PLCB4: variants seen among roughly 807,000 people sequenced by gnomAD.
The protein encoded by PLCB4 is phospholipase C beta 4.
PLCB4 carries 77 observed loss-of-function variants against 178.8 expected under a neutral mutation model. That is an observed-to-expected ratio of 0.43 (90% CI 0.36 to 0.52). The LOEUF (loss-of-function observed/expected upper bound fraction) is 0.52. Ranked by LOEUF, PLCB4 falls within the 20% of genes least tolerant of loss-of-function variation. The pLI is 0.00. For synonymous variants in PLCB4, 496 were observed against 490.8 expected (o/e 1.01, Z -0.14); for missense variants, 1,024 against 1,453.4 (o/e 0.70, Z 4.80).
At chr20:9,313,588 G>A (rs552285135) in intron 4 of PLCB4, among the ~76,000 whole-genome samples, 7 of 152,294 alleles carry the variant, frequency 4.6e-5, no homozygotes, top group East Asian at 1.9e-4. Flanking sequence ...CCAAGAAACC[G>A]ATTTCTGCAT....
intron 3 of PLCB4, among the ~76,000 whole-genome samples, chr20:9,229,576 T>C (rs2093909256): frequency 6.6e-6 from 1 of 152,094 alleles, no homozygotes; most frequent in Non-Finnish European, 1.5e-5. Context: ...TTGGAAGTTT[T>C]ACCTCTTTAT....
At chr20:9,239,179 T>C (rs2094027968) in intron 3 of PLCB4, among the ~76,000 whole-genome samples, 3 of 152,226 alleles carry the variant, frequency 2.0e-5, no homozygotes, top group Non-Finnish European at 4.4e-5. Flanking sequence ...CTTGACTCCT[T>C]ACCCTGTAAG....
chr20:9,453,497 T>C, intron 33 of PLCB4, 35 bp downstream of exon 33: 1 of 1,254,566 alleles, frequency 8.0e-7, no homozygotes, highest in Non-Finnish European at 1.2e-6. Flanking sequence ...AGACTTTCTC[T>C]ATGTTTATAT....
chr20:9,455,662 T>C (rs2043012270), intron 33 of PLCB4, among the ~76,000 whole-genome samples: 1 of 152,210 alleles, frequency 6.6e-6, no homozygotes, highest in African/African-American at 2.4e-5. Flanking sequence ...GATTTCTTCC[T>C]GAGCCTCTGC....
intron 32 of PLCB4, among the ~76,000 whole-genome samples, chr20:9,451,103 T>C (rs1034697802): frequency 6.6e-6 from 1 of 152,212 alleles, no homozygotes; most frequent in Non-Finnish European, 1.5e-5. Flanking sequence ...TAAATACTTA[T>C]TGAGCATATA....
intron 2 of PLCB4, among the ~76,000 whole-genome samples, chr20:9,147,130 G>T (rs181286542): frequency 6.6e-6 from 1 of 152,084 alleles, no homozygotes; most frequent in East Asian, 1.9e-4. Context: ...TAAGGCTAGG[G>T]GAGAATCCGA....
intron 32 of PLCB4, 62 bp from the exon 33 acceptor site, chr20:9,453,285 G>T (rs2042876930): frequency 2.1e-6 from 2 of 933,634 alleles, no homozygotes; most frequent in African/African-American, 1.6e-5. Flanking sequence ...AGTTATGCCA[G>T]CCCTATATGG....
intron 3 of PLCB4, among the ~76,000 whole-genome samples, chr20:9,219,060 T>C (rs2093766608): frequency 6.6e-6 from 1 of 152,206 alleles, no homozygotes; most frequent in Admixed American, 6.5e-5. Context: ...ATATAAACAC[T>C]TGATTCAAGA....
intron 32 of PLCB4, among the ~76,000 whole-genome samples, chr20:9,449,117 A>G (rs981362621): frequency 5.9e-5 from 9 of 152,192 alleles, no homozygotes; most frequent in Admixed American, 6.5e-5. Context: ...CGAAATGGAA[A>G]CTAGGGTAAT....
chr20:9,110,534 T>C (rs916072062), intron 2 of PLCB4, among the ~76,000 whole-genome samples: 1 of 152,172 alleles, frequency 6.6e-6, no homozygotes, highest in Non-Finnish European at 1.5e-5. Context: ...AACAGGAAAT[T>C]AGTGAGGCTG....
At chr20:9,220,962 A>G (rs1273979872) in intron 3 of PLCB4, among the ~76,000 whole-genome samples, 4 of 152,194 alleles carry the variant, frequency 2.6e-5, no homozygotes, top group African/African-American at 4.8e-5. Context: ...AGCAAGCACA[A>G]AAACCTGTGG....
At chr20:9,166,866 A>G (rs550247718) in intron 2 of PLCB4, among the ~76,000 whole-genome samples, 4 of 152,154 alleles carry the variant, frequency 2.6e-5, no homozygotes, top group African/African-American at 4.8e-5. Context: ...AGAAAATACT[A>G]TATTGCTTAG....
At chr20:9,167,132 T>A (rs1333137379) in intron 2 of PLCB4, among the ~76,000 whole-genome samples, 1 of 152,202 alleles carries the variant, frequency 6.6e-6, no homozygotes, top group Non-Finnish European at 1.5e-5. Flanking sequence ...GTAGGATTTC[T>A]TGGTGTGTTT....
chr20:9,197,187 T>C (rs2093482588), intron 2 of PLCB4, among the ~76,000 whole-genome samples: 1 of 152,216 alleles, frequency 6.6e-6, no homozygotes, highest in Non-Finnish European at 1.5e-5. Flanking sequence ...GCCTCTCCAG[T>C]TGTCTTTCTT....
intron 33 of PLCB4, among the ~76,000 whole-genome samples, 191 bp from the exon 34 acceptor site, chr20:9,457,223 G>A (rs910066117): frequency 6.6e-6 from 1 of 152,212 alleles, no homozygotes; most frequent in African/African-American, 2.4e-5. Flanking sequence ...TGGTTGAATT[G>A]AGTAATCATG....
chr20:9,183,313 C>T (rs2093277539), intron 2 of PLCB4, among the ~76,000 whole-genome samples: 1 of 152,090 alleles, frequency 6.6e-6, no homozygotes, highest in Non-Finnish European at 1.5e-5. Context: ...CCACATTTCC[C>T]TCCCTCCCTC....
At chr20:9,223,012 A>G (rs554848011) in intron 3 of PLCB4, among the ~76,000 whole-genome samples, 2 of 152,310 alleles carry the variant, frequency 1.3e-5, no homozygotes, top group East Asian at 3.9e-4. Context: ...TAAAACATTT[A>G]GGTTTGGCAG....
chr20:9,475,875 C>A (rs2044507370), intron 38 of PLCB4, among the ~76,000 whole-genome samples: 1 of 152,196 alleles, frequency 6.6e-6, no homozygotes, highest in African/African-American at 2.4e-5. Context: ...CCTTCATAAC[C>A]AGGTAAACAT....
At chr20:9,394,106 G>T (rs1316107075) in intron 18 of PLCB4, among the ~76,000 whole-genome samples, 29 of 152,126 alleles carry the variant, frequency 1.9e-4, no homozygotes. Context: ...TGAATAGAGA[G>T]ATCTAGAGAC....
Sources: gnomAD v4.1 joint callset for allele counts (sites outside exome capture counted in the v4.1 genomes callset) on GRCh38, gnomAD v4.1.1 for gene constraint, MANE v1.5 for transcripts, NCBI Gene and HGNC (gene_info 2026-07-23, HGNC 2026-07-21) for gene names.